SLC24A2: variants seen among roughly 807,000 people sequenced by gnomAD.
SLC24A2 encodes the protein solute carrier family 24 member 2, also known as sodium/potassium/calcium exchanger 2.
Under a neutral mutation model 62.0 loss-of-function variants are expected in SLC24A2, and 36 were observed. The ratio of observed to expected loss-of-function variants is 0.58; its 90% confidence interval spans 0.44 to 0.77. SLC24A2 has a LOEUF of 0.77. Among genes scored for constraint, SLC24A2 ranks in the 30% least tolerant of loss-of-function variants. The probability of loss-of-function intolerance (pLI) is 0.00; values close to 1 mark genes in which losing one functional copy is unlikely to be tolerated. For missense variants in SLC24A2, 846 were observed against 817.9 expected, an observed-to-expected ratio of 1.03 and a Z score of -0.42; for synonymous variants, 358 against 294.0, an observed-to-expected ratio of 1.22 and a Z score of -2.23.
chr9:20,186,493 C>T, the SLC24A2 span, among the ~76,000 whole-genome samples: 1 of 152,120 alleles, frequency 6.6e-6, no homozygotes. Context: ...CCTGGACCAC[C>T]TCCCTACTCC....
the SLC24A2 span, among the ~76,000 whole-genome samples, chr9:19,901,968 C>A: frequency 6.6e-6 from 1 of 152,180 alleles, no homozygotes; most frequent in Non-Finnish European, 1.5e-5. Flanking sequence ...AGGCCCCGTG[C>A]TTGCTGGGCT....
At chr9:20,265,066 G>A in the SLC24A2 span, among the ~76,000 whole-genome samples, 1 of 152,260 alleles carries the variant, frequency 6.6e-6, no homozygotes, top group East Asian at 1.9e-4. Context: ...AGCTGGAGAA[G>A]CAGCCTCCTG....
At chr9:19,615,537 A>G (rs953622547) in intron 4 of SLC24A2, among the ~76,000 whole-genome samples, 3 of 152,218 alleles carry the variant, frequency 2.0e-5, no homozygotes, top group African/African-American at 7.2e-5. Context: ...TGGGGGAAAA[A>G]TACCAGAGCA....
At chr9:19,548,854 G>A (rs1834706647) in intron 8 of SLC24A2, among the ~76,000 whole-genome samples, 1 of 152,218 alleles carries the variant, frequency 6.6e-6, no homozygotes, top group African/African-American at 2.4e-5. Flanking sequence ...TATACTGTGT[G>A]CTGTTCCAAA....
intron 7 of SLC24A2, among the ~76,000 whole-genome samples, chr9:19,559,426 G>A (rs1835282848): frequency 6.6e-6 from 1 of 152,110 alleles, no homozygotes; most frequent in Non-Finnish European, 1.5e-5. Context: ...CAGCACTAAG[G>A]AGAAAATACG....
chr9:19,754,325 C>T (rs1286297543), intron 2 of SLC24A2, among the ~76,000 whole-genome samples: 2 of 152,178 alleles, frequency 1.3e-5, no homozygotes, highest in Non-Finnish European at 2.9e-5. Context: ...GCATGAAGAG[C>T]GTAGGACTTG....
the SLC24A2 span, among the ~76,000 whole-genome samples, chr9:19,819,576 A>G: frequency 6.6e-6 from 1 of 152,134 alleles, no homozygotes; most frequent in Non-Finnish European, 1.5e-5. Context: ...TCAAAAGAAG[A>G]TATACAAATG....
intron 2 of SLC24A2, among the ~76,000 whole-genome samples, chr9:19,735,594 C>A (rs1197327938): frequency 1.3e-5 from 2 of 152,166 alleles, no homozygotes; most frequent in Non-Finnish European, 2.9e-5. Context: ...ACAGCAAAGA[C>A]TTGGAACCAA....
intron 2 of SLC24A2, among the ~76,000 whole-genome samples, chr9:19,709,095 G>C (rs1293638755): frequency 6.6e-6 from 1 of 152,110 alleles, no homozygotes; most frequent in Non-Finnish European, 1.5e-5. Context: ...GGGGGCGAAG[G>C]ATATGAACAG....
intron 2 of SLC24A2, among the ~76,000 whole-genome samples, chr9:19,775,311 C>T (rs1225747756): frequency 1.3e-5 from 2 of 152,202 alleles, no homozygotes; most frequent in East Asian, 1.9e-4. Flanking sequence ...TCTGCTTCAC[C>T]CACATTTCTT....
chr9:19,567,706 A>AAT (rs34232401), intron 7 of SLC24A2, among the ~76,000 whole-genome samples: 28 of 149,938 alleles, frequency 1.9e-4, no homozygotes, highest in East Asian at 1.4e-3. Context: ...AAAAAAAAAA[A>AAT]TTTGAGAAGG....
chr9:19,566,686 A>C (rs896658341), intron 7 of SLC24A2, among the ~76,000 whole-genome samples: 4 of 152,218 alleles, frequency 2.6e-5, no homozygotes, highest in African/African-American at 9.6e-5. Context: ...CACTATTCAC[A>C]ATAGCAAAGA....
chr9:19,999,210 C>CT, the SLC24A2 span, among the ~76,000 whole-genome samples: 1 of 152,226 alleles, frequency 6.6e-6, no homozygotes, highest in Non-Finnish European at 1.5e-5. Flanking sequence ...TCCTTCGCCT[C>CT]CCTGGCTGGA....
chr9:19,636,400 T>TCTCTCG lies in SLC24A2; in HGVS notation c.931-14102_931-14101insCGAGAG, dbSNP rs1482634586. Among the ~76,000 whole-genome samples, 8 of 91,970 alleles carry TCTCTCG rather than the reference T, an allele frequency of 8.7e-5. 1 individual carries two copies. The highest frequency in any genetic ancestry group is 2.0e-4 in the African/African-American group (4 of 20,480). 60.3% of individuals were successfully genotyped at this position (91,970 alleles called of 152,430 possible). On this transcript the variant is annotated intron_variant, in intron 2 of 10. Transcript: ENST00000341998. ...CTTTCTTTCTTTCTCCCTCTCTCTC[T>TCTCTCG]CTCTCTCTTTCTTTCTTTCCTCTTC... is the stretch of plus-strand genomic sequence containing the variant.
intron 2 of SLC24A2, among the ~76,000 whole-genome samples, chr9:19,636,501 G>A (rs992728030): frequency 2.7e-5 from 4 of 147,584 alleles, no homozygotes; most frequent in Non-Finnish European, 4.5e-5. Context: ...GTGTGATCTC[G>A]GCTCACTACA....
At chr9:19,733,127 G>T (rs975117700) in intron 2 of SLC24A2, among the ~76,000 whole-genome samples, 1 of 151,334 alleles carries the variant, frequency 6.6e-6, no homozygotes, top group Non-Finnish European at 1.5e-5. Context: ...CTACCTTCTG[G>T]ATGGTATCTT....
At chr9:19,935,400 CAAACA>C in the SLC24A2 span, among the ~76,000 whole-genome samples, 1 of 125,064 alleles carries the variant, frequency 8.0e-6, no homozygotes, top group Admixed American at 7.6e-5. Flanking sequence ...AACAAATAAA[CAAACA>C]AAACAAAAAA....
the SLC24A2 span, among the ~76,000 whole-genome samples, chr9:19,999,855 G>C: frequency 2.6e-5 from 4 of 152,148 alleles, no homozygotes; most frequent in South Asian, 6.2e-4. Context: ...AGTCTAGAAG[G>C]GGCCTGTTTT....
the SLC24A2 span, among the ~76,000 whole-genome samples, chr9:20,120,689 G>C: frequency 6.6e-6 from 1 of 151,928 alleles, no homozygotes; most frequent in Non-Finnish European, 1.5e-5. Flanking sequence ...TCTACCCTCT[G>C]AACCTAAAAT....
Sources: gnomAD v4.1 joint callset for allele counts (sites outside exome capture counted in the v4.1 genomes callset) on GRCh38, gnomAD v4.1.1 for gene constraint, MANE v1.5 for transcripts, NCBI Gene and HGNC (gene_info 2026-07-23, HGNC 2026-07-21) for gene names.